The following ULK4 variants were observed in gnomAD, a reference collection of about 807,000 sequenced individuals.
ULK4 encodes inactive serine/threonine-protein kinase ULK4.
ULK4 carries 133 observed loss-of-function variants against 160.6 expected under a neutral mutation model. The ratio of observed to expected loss-of-function variants is 0.83; its 90% CI spans 0.72 to 0.96. The LOEUF is 0.96. ULK4 is among the 40% of genes least tolerant of loss of function. ULK4 has a pLI of 0.00. For synonymous variants in ULK4, 534 were observed against 539.8 expected (o/e 0.99, Z 0.15); for missense variants, 1,580 against 1,499.5 (o/e 1.05, Z -0.89).
At chr3:41,637,269 C>T (rs540899233) in intron 30 of ULK4, among the ~76,000 whole-genome samples, 1 of 152,266 alleles carries the variant, frequency 6.6e-6, no homozygotes, top group African/African-American at 2.4e-5. Flanking sequence ...TTTTACATTC[C>T]ACATATAAGT....
chr3:41,842,164 C>T (rs1438527688), intron 17 of ULK4, among the ~76,000 whole-genome samples: 3 of 145,538 alleles, frequency 2.1e-5, no homozygotes, highest in Admixed American at 6.8e-5. Flanking sequence ...GAAAATAACG[C>T]TGCAATGAAC....
chr3:41,408,469 A>T (rs1165125021), intron 34 of ULK4, among the ~76,000 whole-genome samples: 2 of 151,566 alleles, frequency 1.3e-5, no homozygotes, highest in African/African-American at 4.8e-5. Context: ...GAGCGTCTAC[A>T]TAAATGAAAA....
intron 35 of ULK4, among the ~76,000 whole-genome samples, chr3:41,269,413 C>T (rs955647326): frequency 6.6e-6 from 1 of 151,974 alleles, no homozygotes; most frequent in Non-Finnish European, 1.5e-5. Context: ...ATTGATGGTC[C>T]TGTACAACAG....
chr3:41,493,921 A>C (rs1331884664), intron 32 of ULK4, among the ~76,000 whole-genome samples: 4 of 150,690 alleles, frequency 2.7e-5, no homozygotes, highest in Non-Finnish European at 5.9e-5. Flanking sequence ...AGGATCTCAA[A>C]TTGTGGCAAT....
chr3:41,279,255 T>TAAAAAAA (rs771175184), intron 35 of ULK4, among the ~76,000 whole-genome samples: 7 of 43,044 alleles, frequency 1.6e-4, no homozygotes, highest in South Asian at 9.1e-4. Flanking sequence ...AAAAAAAGAG[T>TAAAAAAA]AAAAAAAAAA....
At chr3:41,617,218 C>T (rs1040513073) in intron 30 of ULK4, among the ~76,000 whole-genome samples, 2 of 152,248 alleles carry the variant, frequency 1.3e-5, no homozygotes, top group Non-Finnish European at 2.9e-5. Context: ...CTGAAGAGAA[C>T]AGCTGATGCT....
At chr3:41,348,231 A>C (rs1332329921) in intron 35 of ULK4, among the ~76,000 whole-genome samples, 1 of 151,164 alleles carries the variant, frequency 6.6e-6, no homozygotes, top group Non-Finnish European at 1.5e-5. Context: ...AAAAAAAAAA[A>C]AGTACATGGA....
intron 19 of ULK4, among the ~76,000 whole-genome samples, chr3:41,811,572 T>C (rs1367999914): frequency 1.3e-5 from 2 of 152,228 alleles, no homozygotes; most frequent in Non-Finnish European, 2.9e-5. Context: ...GATACGTAGA[T>C]CTCTGCTTAG....
intron 30 of ULK4, among the ~76,000 whole-genome samples, chr3:41,657,090 G>T (rs912206358): frequency 4.6e-5 from 7 of 151,946 alleles, no homozygotes; most frequent in Admixed American, 1.3e-4. Context: ...TTACCTTTCT[G>T]CTATACACTC....
intron 3 of ULK4, 89 bp from the exon 4 acceptor site, chr3:41,936,029 T>A: frequency 6.6e-7 from 1 of 1,516,834 alleles, no homozygotes; most frequent in Non-Finnish European, 8.9e-7. Flanking sequence ...ATACGAACAT[T>A]AAAAAATGAT....
chr3:41,961,952 C>A (rs1276587435), intron 1 of ULK4, 64 bp downstream of exon 1: 1 of 152,508 alleles, frequency 6.6e-6, no homozygotes, highest in Non-Finnish European at 1.5e-5. Context: ...GCGCGCTCTT[C>A]CGCGACCGCT....
chr3:41,376,950 C>G (rs1212826269), intron 35 of ULK4, among the ~76,000 whole-genome samples: 4 of 150,312 alleles, frequency 2.7e-5, no homozygotes, highest in East Asian at 2.1e-4. Context: ...AAGCTGGAGG[C>G]ATCACACTAC....
intron 21 of ULK4, among the ~76,000 whole-genome samples, chr3:41,777,866 A>G (rs1290956269): frequency 7.0e-6 from 1 of 143,808 alleles, no homozygotes; most frequent in Non-Finnish European, 1.5e-5. Context: ...TTAAACCCAC[A>G]GCCAATATCA....
chr3:41,329,201 G>A (rs777100520), intron 35 of ULK4, among the ~76,000 whole-genome samples: 6 of 152,172 alleles, frequency 3.9e-5, no homozygotes, highest in Non-Finnish European at 7.3e-5. Context: ...ATTCATCCAA[G>A]TTGCTGCAAC....
intron 30 of ULK4, among the ~76,000 whole-genome samples, chr3:41,634,361 G>T (rs1290299732): frequency 1.3e-5 from 2 of 152,150 alleles, no homozygotes; most frequent in African/African-American, 4.8e-5. Flanking sequence ...TCTTCATCTG[G>T]AAGGTACAAA....
In ULK4 at chr3:41,295,111, C is replaced by T. The variant is rs185750964; in HGVS notation, c.3679-45537G>A. On this transcript the variant is annotated intron_variant, in intron 35 of 36. Coordinates refer to ENST00000301831, the MANE Select transcript of ULK4 (RefSeq NM_017886.4). The stretch of plus-strand genomic sequence containing the variant: ...GTGAAAGAACAGACAAACAGATCAA[C>T]GGAATAGAATAGAGAGCCCAGAAAC... 2.0e-3 allele frequency among the ~76,000 whole-genome samples: 312 copies of T among 152,260 alleles called. 1 individual carries two copies. Among genetic ancestry groups the T allele is most frequent in the African/African-American group, 6.9e-3 (287 of 41,552 alleles).
At chr3:41,388,255 T>C (rs1159759179) in intron 35 of ULK4, among the ~76,000 whole-genome samples, 1 of 152,128 alleles carries the variant, frequency 6.6e-6, no homozygotes. Context: ...TTTGAGTTCA[T>C]TGTAGATTCT....
chr3:41,879,349 A>G lies in ULK4; in HGVS notation c.1656+4525T>C, dbSNP rs368840610. Among the ~76,000 whole-genome samples, 141 of 152,282 alleles carry G rather than the reference A, an allele frequency of 9.3e-4. 2 individuals carry two copies. In the Middle Eastern group the frequency reaches 0.014, roughly 15 times the overall value. On this transcript the variant is annotated intron_variant, in intron 17 of 36. Transcript: ENST00000301831. ...TTTTATTTAAAATACTCCAGCAAGA[A>G]AGAGAGAGGGAGAGAAAAAGGGAGA...
intron 32 of ULK4, among the ~76,000 whole-genome samples, chr3:41,516,972 A>G (rs896888882): frequency 2.0e-5 from 3 of 152,146 alleles, no homozygotes; most frequent in African/African-American, 7.2e-5. Context: ...CCCATAAACA[A>G]TTTTTTAAAG....
Sources: allele counts gnomAD v4.1 joint callset (sites outside exome capture counted in the v4.1 genomes callset), GRCh38; gene constraint gnomAD v4.1.1; transcripts MANE v1.5; gene names NCBI Gene and HGNC (gene_info 2026-07-23, HGNC 2026-07-21).